NCALD: variants seen among roughly 807,000 people sequenced by gnomAD.
NCALD encodes the protein neurocalcin delta, also known as neurocalcin-delta.
NCALD carries 10 observed loss-of-function variants against 18.6 expected under a neutral mutation model. The observed-to-expected ratio is 0.54, with a 90% confidence interval of 0.33 to 0.91. The LOEUF is 0.91. Ranked by LOEUF, NCALD falls within the 40% of genes least tolerant of loss-of-function variation. NCALD has a pLI of 0.03. For missense variants in NCALD, 184 were observed against 247.6 expected (o/e 0.74, Z 1.72); for synonymous variants, 88 against 87.4 (o/e 1.01, Z -0.04).
At chr8:101,856,180 G>A (rs909105069) in intron 4 of NCALD, among the ~76,000 whole-genome samples, 4 of 152,006 alleles carry the variant, frequency 2.6e-5, no homozygotes, top group African/African-American at 9.7e-5. Flanking sequence ...GGTTTGGTTT[G>A]GTCCTTTTTA....
At chr8:101,892,010 C>T (rs977032486) in intron 3 of NCALD, among the ~76,000 whole-genome samples, 1 of 152,144 alleles carries the variant, frequency 6.6e-6, no homozygotes, top group African/African-American at 2.4e-5. Context: ...TGGGGCCCAC[C>T]ACAGCTCAAG....
chr8:101,905,037 T>C (rs537981670), intron 3 of NCALD, among the ~76,000 whole-genome samples: 13 of 152,196 alleles, frequency 8.5e-5, no homozygotes, highest in Non-Finnish European at 1.8e-4. Flanking sequence ...AGATCAATAG[T>C]TTTTATATTG....
intron 2 of NCALD, among the ~76,000 whole-genome samples, chr8:101,997,615 C>T (rs1821284840): frequency 6.6e-6 from 1 of 152,172 alleles, no homozygotes; most frequent in Admixed American, 6.5e-5. Flanking sequence ...CTCGGCATGG[C>T]GTTTTGTTGC....
chr8:102,007,827 C>T (rs1463393501), intron 2 of NCALD, among the ~76,000 whole-genome samples: 1 of 152,168 alleles, frequency 6.6e-6, no homozygotes, highest in African/African-American at 2.4e-5. Flanking sequence ...GCAGGGCCAA[C>T]CAAACAGACT....
chr8:101,748,308 C>T (rs1810510388), intron 1 of NCALD, among the ~76,000 whole-genome samples: 1 of 152,110 alleles, frequency 6.6e-6, no homozygotes, highest in South Asian at 2.1e-4. Flanking sequence ...ATTCAATGCA[C>T]TACAATTAGA....
rs541987473 is a variant in NCALD, at chr8:101,702,293, T to C, written c.379-9397A>G. On this transcript the variant is annotated intron_variant, in intron 2 of 3. Transcript: ENST00000220931. The stretch of plus-strand genomic sequence containing the variant: ...TCTCCCAGGCTGGAATGCAGTGGCG[T>C]GATGATAGCTCACTGTAGCTTCGGA... Among the ~76,000 whole-genome samples, 6 of 151,880 alleles carry C rather than the reference T, an allele frequency of 4.0e-5. No individual in the cohort carries two copies. The South Asian group carries it at 1.0e-3, about 27-fold the overall frequency.
At chr8:101,712,798 AAAG>A (rs944005383) in intron 2 of NCALD, among the ~76,000 whole-genome samples, 6 of 152,160 alleles carry the variant, frequency 3.9e-5, no homozygotes, top group Non-Finnish European at 8.8e-5. Flanking sequence ...AGAGACCTAC[AAAG>A]AGACTTATAC....
chr8:101,722,911 GT>G (rs1174812539), intron 1 of NCALD, among the ~76,000 whole-genome samples: 2 of 152,186 alleles, frequency 1.3e-5, no homozygotes, highest in East Asian at 3.8e-4. Flanking sequence ...ACTTTACTAA[GT>G]ATGAGGACTA....
intron 1 of NCALD, among the ~76,000 whole-genome samples, chr8:102,066,290 G>A (rs1364594002): frequency 2.0e-5 from 3 of 152,158 alleles, no homozygotes; most frequent in Non-Finnish European, 4.4e-5. Flanking sequence ...TTTATGTTCT[G>A]GTTCTCATTT....
intron 4 of NCALD, among the ~76,000 whole-genome samples, chr8:101,836,079 C>T (rs561824887): frequency 6.6e-6 from 1 of 151,960 alleles, no homozygotes; most frequent in Admixed American, 6.6e-5. Flanking sequence ...ACTGAAGGGA[C>T]GGGGCTGTGG....
At chr8:101,767,513 G>A (rs1811399035) in intron 1 of NCALD, among the ~76,000 whole-genome samples, 1 of 152,190 alleles carries the variant, frequency 6.6e-6, no homozygotes, top group Non-Finnish European at 1.5e-5. Context: ...GCAAGCAAAT[G>A]ATGATTATAC....
intron 1 of NCALD, among the ~76,000 whole-genome samples, chr8:102,028,723 G>T (rs765422956): frequency 4.6e-5 from 7 of 152,296 alleles, no homozygotes; most frequent in Non-Finnish European, 1.0e-4. Context: ...ACTGCTCCTT[G>T]TGCTAAGTGA....
intron 2 of NCALD, among the ~76,000 whole-genome samples, chr8:101,930,319 C>T (rs1818525845): frequency 6.6e-6 from 1 of 152,068 alleles, no homozygotes; most frequent in South Asian, 2.1e-4. Flanking sequence ...AGTCTGATTC[C>T]CAAAATGCCT....
chr8:102,023,240 T>C (rs1195606125), intron 1 of NCALD, among the ~76,000 whole-genome samples: 1 of 152,126 alleles, frequency 6.6e-6, no homozygotes, highest in Non-Finnish European at 1.5e-5. Context: ...GCACAGAGGG[T>C]TTTGCTGTAA....
chr8:102,047,671 A>G (rs1448456400), intron 1 of NCALD, among the ~76,000 whole-genome samples: 2 of 152,242 alleles, frequency 1.3e-5, no homozygotes, highest in Non-Finnish European at 2.9e-5. Context: ...CCGTTTATTG[A>G]GCATTTATCC....
chr8:101,843,862 G>A (rs1814754494), intron 4 of NCALD, among the ~76,000 whole-genome samples: 2 of 152,104 alleles, frequency 1.3e-5, no homozygotes, highest in South Asian at 4.1e-4. Flanking sequence ...GATTACAGGC[G>A]CGAGCCACCA....
intron 1 of NCALD, among the ~76,000 whole-genome samples, chr8:101,747,294 A>G (rs1810466554): frequency 6.6e-6 from 1 of 152,202 alleles, no homozygotes; most frequent in Admixed American, 6.5e-5. Context: ...AGGCTAATGA[A>G]TCAGGAAAGG....
chr8:101,988,023 C>T (rs1820881917), intron 2 of NCALD, among the ~76,000 whole-genome samples: 1 of 151,526 alleles, frequency 6.6e-6, no homozygotes, highest in Non-Finnish European at 1.5e-5. Flanking sequence ...GGCGTAGTGG[C>T]GGGCGCCTGT....
chr8:102,089,236 C>T (rs914532613), intron 1 of NCALD, among the ~76,000 whole-genome samples: 5 of 151,882 alleles, frequency 3.3e-5, no homozygotes, highest in Admixed American at 2.6e-4. Flanking sequence ...CTACTAAAAA[C>T]ACAAAAAATT....
Sources: allele counts gnomAD v4.1 joint callset (sites outside exome capture counted in the v4.1 genomes callset), GRCh38; gene constraint gnomAD v4.1.1; transcripts MANE v1.5; gene names NCBI Gene and HGNC (gene_info 2026-07-23, HGNC 2026-07-21).